The following GATM variants were observed in gnomAD, a reference collection of about 807,000 sequenced individuals.
GATM encodes glycine amidinotransferase.
GATM carries 23 observed loss-of-function variants against 54.2 expected under a neutral mutation model. The ratio of observed to expected loss-of-function variants is 0.42; its 90% CI spans 0.31 to 0.60. GATM has a LOEUF of 0.60. Among genes scored for constraint, GATM ranks in the 20% least tolerant of loss-of-function variants. The pLI is 0.14. For missense variants in GATM, 401 were observed against 544.9 expected (o/e 0.74, Z 2.63); for synonymous variants, 168 against 183.1 (o/e 0.92, Z 0.67).
rs1566840816 is a variant in GATM at position 45,369,313 on chromosome 15, T to C, written c.484+13A>G. On this transcript the variant is annotated intron_variant, in intron 3 of 8. Transcript: ENST00000396659. Reference sequence around the variant, plus strand: ...TTCAGACACTGGCAGTTTAGTTATCTGACATCACTTACCCGTAGACTCAAA... The same window carrying C: ...TTCAGACACTGGCAGTTTAGTTATCCGACATCACTTACCCGTAGACTCAAA... The C allele has an allele frequency of 1.2e-6, 2 of 1,610,310 alleles. No individual in the cohort carries two copies. The highest frequency in any genetic ancestry group is 8.5e-7 in the Non-Finnish European group (1 of 1,176,632).
In GATM at chr15:45,369,383, T is replaced by A; in HGVS notation, c.427A>T (p.Arg143Trp). ...ILKTEGVTVR[R>W]PDPIDWSLKY... ...AATGACCAGTCAATGGGGTCAGGCCTCCTTACTGTCACTCCTTCCGTTTTT... is the reference window on the plus strand; with the variant it reads ...AATGACCAGTCAATGGGGTCAGGCCACCTTACTGTCACTCCTTCCGTTTTT... The change falls in exon 3 of 9, where the codon AGG becomes TGG. Residue 143 changes from arginine to tryptophan, a missense_variant. Physicochemically the swap from Arg to Trp is moderately radical, Grantham distance 101 (BLOSUM62 -3). Transcript: ENST00000396659. The A allele has an allele frequency of 6.2e-7, 1 of 1,614,176 alleles. No individual in the cohort carries two copies. Among genetic ancestry groups the A allele is most frequent in the South Asian group, 1.1e-5 (1 of 91,076 alleles).
At chr15:45,370,869 G>T (rs1595484178) in intron 2 of GATM, among the ~76,000 whole-genome samples, 1 of 152,152 alleles carries the variant, frequency 6.6e-6, no homozygotes, top group South Asian at 2.1e-4. Context: ...CTCCCACCAG[G>T]TTCAAATGAT....
At chr15:45,388,728 T>A (rs1381096860) in intron 3 of GATM, among the ~76,000 whole-genome samples, 2 of 152,226 alleles carry the variant, frequency 1.3e-5, no homozygotes, top group Non-Finnish European at 2.9e-5. Flanking sequence ...TCGTATCGTA[T>A]CAGGTAGTAT....
intron 6 of GATM, 62 bp from the exon 7 acceptor site, chr15:45,364,922 TCTCTA>T: frequency 1.6e-6 from 2 of 1,279,528 alleles, no homozygotes; most frequent in Non-Finnish European, 2.3e-6. Flanking sequence ...TTATTATTAG[TCTCTA>T]ATAGCCCTTA....
chr15:45,369,078 G>A (rs1889494383), intron 3 of GATM, among the ~76,000 whole-genome samples: 1 of 152,180 alleles, frequency 6.6e-6, no homozygotes, highest in Admixed American at 6.5e-5. Context: ...ATTATGTAAG[G>A]AAATGGCTAT....
chr15:45,376,978 G>C, intron 1 of GATM, 159 bp from the exon 2 acceptor site: 1 of 685,492 alleles, frequency 1.5e-6, no homozygotes, highest in Non-Finnish European at 2.6e-6. Context: ...GGTGGGTAGT[G>C]GGATTACAGA....
At chr15:45,385,950 T>C (rs1403753482) in intron 3 of GATM, among the ~76,000 whole-genome samples, 1 of 152,242 alleles carries the variant, frequency 6.6e-6, no homozygotes, top group Non-Finnish European at 1.5e-5. Flanking sequence ...TTGTTCCTTG[T>C]CTAAAAAAGT....
chr15:45,380,249 GAAA>G (rs35353298), upstream of GATM: 862 of 119,776 alleles, frequency 7.2e-3, 5 homozygotes, highest in African/African-American at 0.022. Flanking sequence ...TCCATCTGGG[GAAA>G]AAAAAAAAAA....
intron 1 of GATM, among the ~76,000 whole-genome samples, chr15:45,400,946 G>T (rs769232648): frequency 6.8e-6 from 1 of 146,004 alleles, no homozygotes; most frequent in Non-Finnish European, 1.5e-5. Flanking sequence ...CACACCTTTA[G>T]GGGTCGGTAA....
At chr15:45,388,420 T>G (rs1305346040) in intron 3 of GATM, among the ~76,000 whole-genome samples, 1 of 152,254 alleles carries the variant, frequency 6.6e-6, no homozygotes, top group Non-Finnish European at 1.5e-5. Context: ...AAATCATTAT[T>G]AACTAAACTC....
At chr15:45,375,241 T>A (rs1306801752) in intron 2 of GATM, among the ~76,000 whole-genome samples, 1 of 152,162 alleles carries the variant, frequency 6.6e-6, no homozygotes, top group Non-Finnish European at 1.5e-5. Flanking sequence ...TGGCTAATTT[T>A]TGTATTTTTA....
chr15:45,369,709 A>G (rs956807657), intron 2 of GATM, 188 bp from the exon 3 acceptor site: 1 of 613,204 alleles, frequency 1.6e-6, no homozygotes, highest in Non-Finnish European at 2.9e-6. Context: ...CTGTTGAATG[A>G]AGAACTCTAA....
upstream of GATM, chr15:45,378,549 G>T (rs1466607914): frequency 1.0e-6 from 1 of 955,242 alleles, no homozygotes; most frequent in Non-Finnish European, 1.4e-6. Context: ...CGGGGTGGGC[G>T]GGCGCGCGGG....
chr15:45,369,176 A>C (rs943673808), intron 3 of GATM, 150 bp downstream of exon 3: 12 of 659,406 alleles, frequency 1.8e-5, no homozygotes, highest in Non-Finnish European at 2.1e-5. Context: ...ATCAACATGG[A>C]CCAAACCATT....
chr15:45,367,641 T>C (rs561954599), intron 4 of GATM, among the ~76,000 whole-genome samples: 7 of 152,228 alleles, frequency 4.6e-5, no homozygotes, highest in Non-Finnish European at 7.4e-5. Flanking sequence ...TTCATTTTAC[T>C]GTGAATTTGA....
At chr15:45,393,241 G>A (rs1463838721) in intron 3 of GATM, among the ~76,000 whole-genome samples, 2 of 152,170 alleles carry the variant, frequency 1.3e-5, no homozygotes, top group Non-Finnish European at 2.9e-5. Flanking sequence ...ATTAATTGGT[G>A]GGTGTGGTTT....
Position 45,368,280 on chromosome 15 carries a change from C to T in GATM, c.485-20G>A, listed in dbSNP as rs773829163. 1 of 1,609,580 alleles carries T rather than the reference C, an allele frequency of 6.2e-7. No individual in the cohort carries two copies. The highest frequency in any genetic ancestry group is 8.5e-7 in the Non-Finnish European group (1 of 1,176,950). ...ATAAACCTGTCAGACCAAAAAATTC[C>T]ATGACAACTTCAGTAGTGTTAATTT... On this transcript the variant is annotated intron_variant, in intron 3 of 8. Coordinates refer to ENST00000396659, the MANE Select transcript of GATM (RefSeq NM_001482.3). This position sits in a 1 kb window ranked among gnomAD's most constrained non-coding sequence, Gnocchi z 5.1.
intron 4 of GATM, 80 bp downstream of exon 4, chr15:45,367,990 G>T: frequency 1.7e-6 from 2 of 1,208,572 alleles, no homozygotes; most frequent in South Asian, 1.3e-5. Flanking sequence ...TATATACAAG[G>T]TATCAGAGAA....
chr15:45,401,277 TGATAA>T (rs1694805550), intron 1 of GATM, among the ~76,000 whole-genome samples: 2 of 152,192 alleles, frequency 1.3e-5, no homozygotes, highest in East Asian at 3.9e-4. Flanking sequence ...TACTTCCCAT[TGATAA>T]GATATTACTA....
Sources: allele counts gnomAD v4.1 joint callset (sites outside exome capture counted in the v4.1 genomes callset), GRCh38; gene constraint gnomAD v4.1.1; non-coding constraint Gnocchi (gnomAD v3.1); transcripts MANE v1.5; gene names NCBI Gene and HGNC (gene_info 2026-07-23, HGNC 2026-07-21).